STPG2: variants seen among roughly 807,000 people sequenced by gnomAD.
The protein encoded by STPG2 is sperm-tail PG-rich repeat-containing protein 2.
Under a neutral mutation model 54.2 loss-of-function variants are expected in STPG2, and 56 were observed. The ratio of observed to expected loss-of-function variants is 1.03; its 90% CI spans 0.83 to 1.29. The LOEUF is 1.29. Ranked by LOEUF, STPG2 falls within the 50% of genes most tolerant of loss-of-function variation. The probability of loss-of-function intolerance (pLI) is 0.00; values close to 1 mark genes in which losing one functional copy is unlikely to be tolerated. For missense variants in STPG2, 596 were observed against 544.9 expected (o/e 1.09, Z -0.93); for synonymous variants, 200 against 181.8 (o/e 1.10, Z -0.81).
intron 5 of STPG2, among the ~76,000 whole-genome samples, chr4:98,103,540 C>G (rs1167570122): frequency 3.3e-5 from 5 of 152,010 alleles, no homozygotes; most frequent in African/African-American, 1.2e-4. Context: ...ACTTGGGAGG[C>G]TGAGGCAGCA....
At chr4:97,870,104 C>T (rs1006390609) in intron 8 of STPG2, among the ~76,000 whole-genome samples, 4 of 151,506 alleles carry the variant, frequency 2.6e-5, no homozygotes, top group Admixed American at 2.0e-4. Context: ...TAACTTCTGC[C>T]CTGTCCTCTC....
At chr4:97,981,940 A>C (rs994443624) in intron 5 of STPG2, among the ~76,000 whole-genome samples, 1 of 148,818 alleles carries the variant, frequency 6.7e-6, no homozygotes, top group Non-Finnish European at 1.5e-5. Flanking sequence ...GCTGGAGTGC[A>C]GTGGCGCGAT....
At chr4:98,064,159 T>A (rs1737751938) in intron 5 of STPG2, among the ~76,000 whole-genome samples, 1 of 152,134 alleles carries the variant, frequency 6.6e-6, no homozygotes, top group Admixed American at 6.5e-5. Flanking sequence ...AAACAAAAAA[T>A]AGATGTAAAA....
At chr4:97,975,978 C>G (rs1734485119) in intron 6 of STPG2, among the ~76,000 whole-genome samples, 1 of 152,126 alleles carries the variant, frequency 6.6e-6, no homozygotes, top group South Asian at 2.1e-4. Context: ...AAGAGTGTCA[C>G]TGGGTAGTAC....
At chr4:97,670,073 T>A (rs968249378) in intron 10 of STPG2, among the ~76,000 whole-genome samples, 2 of 151,886 alleles carry the variant, frequency 1.3e-5, no homozygotes, top group Non-Finnish European at 2.9e-5. Flanking sequence ...AAGTATAATT[T>A]AAAAAAAACC....
chr4:97,906,689 C>G (rs1175285432), intron 8 of STPG2, among the ~76,000 whole-genome samples: 2 of 151,854 alleles, frequency 1.3e-5, no homozygotes, highest in African/African-American at 4.8e-5. Context: ...GGCTTCATCC[C>G]TGGGATGCAA....
intron 8 of STPG2, among the ~76,000 whole-genome samples, chr4:97,878,146 C>T (rs1578648332): frequency 6.6e-6 from 1 of 152,320 alleles, no homozygotes; most frequent in Admixed American, 6.5e-5. Context: ...GCAACTCCAA[C>T]CCTGTGGCTT....
chr4:97,568,901 T>TTTTG (rs1732525698), intron 10 of STPG2, among the ~76,000 whole-genome samples: 1 of 66,494 alleles, frequency 1.5e-5, no homozygotes, highest in Admixed American at 1.3e-4. Context: ...TTTTGTTTTG[T>TTTTG]TTTTTTTTTT....
At chr4:97,796,427 A>G (rs1727180628) in intron 9 of STPG2, among the ~76,000 whole-genome samples, 1 of 152,174 alleles carries the variant, frequency 6.6e-6, no homozygotes, top group South Asian at 2.1e-4. Context: ...ATGGCTAGCC[A>G]GTTTTCCCAG....
In STPG2 at chr4:97,784,419, C is replaced by A. The variant is rs184871630; in HGVS notation, c.1204+56354G>T. The stretch of plus-strand genomic sequence containing the variant: ...TTTATAACATTTCACTATTAGAGAT[C>A]TGAATATGGTGTTTATCTTGCTATA... On this transcript the variant is annotated intron_variant, in intron 9 of 10. Transcript: ENST00000295268. Among the ~76,000 whole-genome samples the A allele has an allele frequency of 9.9e-5, 15 of 152,002 alleles. No homozygotes were observed. The East Asian group carries it at 2.7e-3, about 27-fold the overall frequency.
intron 4 of STPG2, among the ~76,000 whole-genome samples, chr4:97,518,354 C>T (rs902157347): frequency 6.6e-5 from 10 of 151,914 alleles, no homozygotes; most frequent in Non-Finnish European, 1.0e-4. Flanking sequence ...AGGAAACAAA[C>T]CATGAATAAA....
At chr4:97,575,979 T>G (rs1732712463) in intron 10 of STPG2, among the ~76,000 whole-genome samples, 1 of 151,948 alleles carries the variant, frequency 6.6e-6, no homozygotes, top group Admixed American at 6.6e-5. Flanking sequence ...ATGTTTAAGC[T>G]GAGAGTCAAA....
chr4:97,559,801 C>T (rs1732177083), intron 10 of STPG2, among the ~76,000 whole-genome samples: 1 of 152,152 alleles, frequency 6.6e-6, no homozygotes, highest in African/African-American at 2.4e-5. Flanking sequence ...TTTCCAATTC[C>T]TAATGTCCTT....
intron 4 of STPG2, among the ~76,000 whole-genome samples, chr4:97,490,403 A>G (rs1730478952): frequency 6.6e-6 from 1 of 151,322 alleles, no homozygotes. Flanking sequence ...CTCTCTTCCT[A>G]ATTTCCATGC....
rs1007448189 is a variant in STPG2 at position 97,558,936 on chromosome 4, G to C, written c.*122C>G. ...TATAGTCACTAAAGCCTGAGCGAAT[G>C]CCTGAACAAGTGAAAATTATGCTTT... On this transcript the variant is annotated 3_prime_UTR_variant, in exon 11 of 11. Coordinates refer to ENST00000295268, the MANE Select transcript of STPG2 (RefSeq NM_174952.3). 1 of 790,062 alleles carries C rather than the reference G, an allele frequency of 1.3e-6. No individual in the cohort carries two copies. The highest frequency in any genetic ancestry group is 1.8e-5 in the African/African-American group (1 of 56,902). 48.9% of individuals were successfully genotyped at this position (790,062 alleles called of 1,614,324 possible). A position where few individuals can be genotyped will look rare whatever the true frequency, so the allele number is the denominator to read the frequency against.
In STPG2 at chr4:97,890,242, T is replaced by C. The variant is rs186382970; in HGVS notation, c.1045-49310A>G. On this transcript the variant is annotated intron_variant, in intron 8 of 10. Transcript: ENST00000295268. ...CATAACAAGATCACTAGGAGAGAGA[T>C]TGATGGGTGAAGGTATCTTAAAAGG... is the stretch of plus-strand genomic sequence containing the variant. 3.9e-5 allele frequency among the ~76,000 whole-genome samples: 6 copies of C among 152,102 alleles called. No homozygotes were observed. In the South Asian group the frequency reaches 6.2e-4, roughly 16 times the overall value.
At chr4:97,875,708 C>T (rs924918946) in intron 8 of STPG2, among the ~76,000 whole-genome samples, 2 of 151,584 alleles carry the variant, frequency 1.3e-5, no homozygotes, top group Non-Finnish European at 3.0e-5. Context: ...CACAATTGGA[C>T]AAAAATTATA....
intron 10 of STPG2, among the ~76,000 whole-genome samples, chr4:97,566,710 T>G (rs536728213): frequency 1.2e-4 from 19 of 152,084 alleles, no homozygotes; most frequent in African/African-American, 4.1e-4. Flanking sequence ...CCATAAAAAA[T>G]GATGAGTTCA....
chr4:98,124,027 G>T (rs915970448), intron 3 of STPG2, among the ~76,000 whole-genome samples: 7 of 152,044 alleles, frequency 4.6e-5, no homozygotes, highest in Non-Finnish European at 8.8e-5. Context: ...TTTTCCATTA[G>T]CTTGGTAAAT....
Sources: allele counts gnomAD v4.1 joint callset (sites outside exome capture counted in the v4.1 genomes callset), GRCh38; gene constraint gnomAD v4.1.1; transcripts MANE v1.5; gene names NCBI Gene and HGNC (gene_info 2026-07-23, HGNC 2026-07-21).